NKIRAS1: variants seen among roughly 807,000 people sequenced by gnomAD.
NKIRAS1 encodes the protein NF-kappa-B inhibitor-interacting Ras-like protein 1.
Under a neutral mutation model 19.8 loss-of-function variants are expected in NKIRAS1, and 16 were observed. That is an observed-to-expected ratio of 0.81 (90% CI 0.55 to 1.23). The LOEUF (loss-of-function observed/expected upper bound fraction) is 1.23. NKIRAS1 is among the 50% of genes most tolerant of loss of function. NKIRAS1 has a pLI of 0.00. For synonymous variants in NKIRAS1, 88 were observed against 79.0 expected (o/e 1.11, Z -0.61); for missense variants, 184 against 220.0 (o/e 0.84, Z 1.04).
At chr3:23,936,297 G>C (rs1438708975) in intron 1 of NKIRAS1, among the ~76,000 whole-genome samples, 1 of 152,062 alleles carries the variant, frequency 6.6e-6, no homozygotes, top group African/African-American at 2.4e-5. Context: ...AATACTGGTC[G>C]CTTGAAGGTG....
intron 4 of NKIRAS1, among the ~76,000 whole-genome samples, chr3:23,897,484 C>T (rs1373138290): frequency 6.6e-6 from 1 of 152,114 alleles, no homozygotes; most frequent in African/African-American, 2.4e-5. Context: ...CAACTTAAGC[C>T]ATATCATGTC....
At chr3:23,944,636 G>A (rs1705579501) in intron 1 of NKIRAS1, among the ~76,000 whole-genome samples, 1 of 152,152 alleles carries the variant, frequency 6.6e-6, no homozygotes, top group African/African-American at 2.4e-5. Context: ...GCAAAAAAGC[G>A]GCATAATCAA....
rs1701409797 is a variant in NKIRAS1, at chr3:23,890,975, G to A, written c.*2120C>T. 6.4e-6 allele frequency: 1 copy of A among 157,446 alleles called. No homozygotes were observed. The highest frequency in any genetic ancestry group is 2.4e-5 in the African/African-American group (1 of 41,628). The allele number at this position is 157,446 out of a possible 1,614,324, so 9.8% of individuals were successfully genotyped here. On this transcript the variant is annotated 3_prime_UTR_variant, in exon 5 of 5. Transcript: ENST00000425478. ...GTCCCTCTAAGACTACATACTTTTT[G>A]TTTAAAACAAAATTGGAATTTGTTT...
chr3:23,905,907 C>T (rs1702996094), intron 3 of NKIRAS1, among the ~76,000 whole-genome samples: 1 of 151,856 alleles, frequency 6.6e-6, no homozygotes, highest in East Asian at 1.9e-4. Flanking sequence ...GCCTATAATC[C>T]CAACATTTTG....
intron 1 of NKIRAS1, among the ~76,000 whole-genome samples, chr3:23,914,501 A>C (rs1704102646): frequency 6.6e-6 from 1 of 152,248 alleles, no homozygotes; most frequent in South Asian, 2.1e-4. Flanking sequence ...CCATATATGA[A>C]TATATTTACA....
chr3:23,923,153 CATT>C (rs1259387064), intron 1 of NKIRAS1: 3 of 151,556 alleles, frequency 2.0e-5, no homozygotes, highest in Non-Finnish European at 4.4e-5. Flanking sequence ...ATATGATACA[CATT>C]GTTGATTTTT....
At chr3:23,945,912 G>A (rs1426827934) in intron 1 of NKIRAS1, among the ~76,000 whole-genome samples, 1 of 150,374 alleles carries the variant, frequency 6.7e-6, no homozygotes, top group East Asian at 2.0e-4. Flanking sequence ...GGCTGGGCGG[G>A]CGCGTGACGC....
rs1702446829 is a variant in NKIRAS1, at chr3:23,900,721, G to A, written c.336+87C>T. 4.2e-6 allele frequency: 4 copies of A among 957,776 alleles called. No homozygotes were observed. In the South Asian group the frequency reaches 4.5e-5, roughly 11 times the overall value. The allele number at this position is 957,776 out of a possible 1,614,324, so 59.3% of individuals were successfully genotyped here. ...ACAGATACTAAGAATATACTGTAAT[G>A]ATCTGAAAATAAACTACCCAAAAGT... On this transcript the variant is annotated intron_variant, in intron 4 of 4. Transcript: ENST00000425478.
At chr3:23,935,086 A>G (rs551498320) in intron 1 of NKIRAS1, among the ~76,000 whole-genome samples, 4 of 152,074 alleles carry the variant, frequency 2.6e-5, no homozygotes, top group African/African-American at 9.7e-5. Flanking sequence ...GGGCTTTGCT[A>G]TGCTGCCCAG....
upstream of NKIRAS1, chr3:23,919,564 A>C (rs541060333): frequency 6.2e-6 from 9 of 1,442,710 alleles, no homozygotes; most frequent in African/African-American, 1.4e-5. Context: ...GTCTGCTTAC[A>C]GGTGTTATTT....
chr3:23,924,645 G>A (rs907316516), intron 1 of NKIRAS1, among the ~76,000 whole-genome samples: 25 of 151,978 alleles, frequency 1.6e-4, no homozygotes, highest in African/African-American at 5.6e-4. Context: ...GGTGATCTGC[G>A]CCCGTCTTGG....
intron 3 of NKIRAS1, among the ~76,000 whole-genome samples, chr3:23,908,808 C>T (rs1272682870): frequency 6.6e-6 from 1 of 151,970 alleles, no homozygotes; most frequent in African/African-American, 2.4e-5. Context: ...GAACCACAGG[C>T]ACATGCCACC....
intron 1 of NKIRAS1, among the ~76,000 whole-genome samples, chr3:23,932,880 CA>C (rs896156063): frequency 6.6e-6 from 1 of 152,018 alleles, no homozygotes; most frequent in African/African-American, 2.4e-5. Flanking sequence ...AGAATCACTC[CA>C]TATGTATTTG....
chr3:23,898,543 A>C (rs777322183), intron 4 of NKIRAS1, among the ~76,000 whole-genome samples: 8 of 151,466 alleles, frequency 5.3e-5, no homozygotes, highest in Non-Finnish European at 1.0e-4. Context: ...CCCGGGTTTC[A>C]AGCGATTCTC....
intron 1 of NKIRAS1, among the ~76,000 whole-genome samples, chr3:23,930,872 T>G (rs932981624): frequency 1.3e-5 from 2 of 150,926 alleles, no homozygotes; most frequent in Non-Finnish European, 3.0e-5. Context: ...CCGGCTGTTT[T>G]TTTTTTTTTT....
chr3:23,918,554 G>A (rs748334045), upstream of NKIRAS1: 1 of 1,613,980 alleles, frequency 6.2e-7, no homozygotes, highest in Non-Finnish European at 8.5e-7. Flanking sequence ...AAGTTTGCTC[G>A]AAGCCTTCAG....
chr3:23,923,983 C>T (rs1432958663), intron 1 of NKIRAS1: 1 of 152,198 alleles, frequency 6.6e-6, no homozygotes, highest in Non-Finnish European at 1.5e-5. Context: ...ACATTGTTTT[C>T]CTGGCCTCTC....
At chr3:23,906,375 T>C (rs1421624412) in intron 3 of NKIRAS1, among the ~76,000 whole-genome samples, 1 of 151,970 alleles carries the variant, frequency 6.6e-6, no homozygotes, top group Non-Finnish European at 1.5e-5. Flanking sequence ...AAATGACAAA[T>C]ACATGTTGGC....
intron 1 of NKIRAS1, among the ~76,000 whole-genome samples, chr3:23,925,371 C>A (rs1367453114): frequency 2.0e-5 from 3 of 152,148 alleles, no homozygotes; most frequent in Non-Finnish European, 2.9e-5. Flanking sequence ...TGGTGGCTCA[C>A]ACCTGTAATC....
Sources: allele counts gnomAD v4.1 joint callset (sites outside exome capture counted in the v4.1 genomes callset), GRCh38; gene constraint gnomAD v4.1.1; transcripts MANE v1.5; gene names NCBI Gene and HGNC (gene_info 2026-07-23, HGNC 2026-07-21).